The following EDARADD variants were observed in gnomAD, a reference collection of about 807,000 sequenced individuals.
EDARADD encodes EDAR associated via death domain, also known as ectodysplasin-A receptor-associated adapter protein.
EDARADD carries 20 observed loss-of-function variants against 25.6 expected under a neutral mutation model. That is an observed-to-expected ratio of 0.78 (90% CI 0.55 to 1.14). The LOEUF (loss-of-function observed/expected upper bound fraction) is 1.14, where lower values mean the gene tolerates loss of function less well. Among genes scored for constraint, EDARADD ranks in the 50% most tolerant of loss-of-function variants. EDARADD has a pLI of 0.00. For synonymous variants in EDARADD, 86 were observed against 94.4 expected, an observed-to-expected ratio of 0.91 and a Z score of 0.52; for missense variants, 225 against 270.1, an observed-to-expected ratio of 0.83 and a Z score of 1.17.
intron 4 of EDARADD, among the ~76,000 whole-genome samples, 192 bp from the exon 5 acceptor site, chr1:236,468,039 C>T (rs1027457554): frequency 6.6e-5 from 10 of 152,164 alleles, no homozygotes; most frequent in South Asian, 2.1e-4. Context: ...AAAGCCCCTG[C>T]GCTCAAGGTG....
chr1:236,409,960 G>A (rs645507), intron 2 of EDARADD, among the ~76,000 whole-genome samples: 101,697 of 151,848 alleles, frequency 0.67, 34,424 homozygotes, highest in Non-Finnish European at 0.7. Flanking sequence ...ACAGCGTTTA[G>A]TTCTAGCAGC....
rs1659736973 is a variant in EDARADD at position 236,483,394 on chromosome 1, T to C, written c.*745T>C. 3.8e-6 allele frequency: 5 copies of C among 1,323,424 alleles called. No individual in the cohort carries two copies. In the South Asian group the frequency reaches 5.9e-5, roughly 16 times the overall value. The allele number at this position is 1,323,424 out of a possible 1,614,324, so 82.0% of individuals were successfully genotyped here. ...ATCAATAAAACTATTGCACCTGTCC[T>C]GGTTAGCAAGAAACTGAACGTCACA... On this transcript the variant is annotated 3_prime_UTR_variant, in exon 6 of 6. Transcript: ENST00000334232.
At chr1:236,403,642 T>C (rs1225030988) in intron 1 of EDARADD, among the ~76,000 whole-genome samples, 2 of 152,160 alleles carry the variant, frequency 1.3e-5, no homozygotes, top group Non-Finnish European at 2.9e-5. Context: ...CTTTGACCCA[T>C]GTGGATACTA....
At chr1:236,366,070 A>C (rs1313308876) in intron 3 of EDARADD, among the ~76,000 whole-genome samples, 2 of 152,216 alleles carry the variant, frequency 1.3e-5, no homozygotes, top group African/African-American at 4.8e-5. Context: ...ATATAACGCT[A>C]ACATCGGTGT....
intron 4 of EDARADD, among the ~76,000 whole-genome samples, chr1:236,464,072 G>A (rs972699766): frequency 4.6e-5 from 7 of 152,094 alleles, no homozygotes; most frequent in Non-Finnish European, 1.0e-4. Context: ...TGGGGAGGGT[G>A]GCATTTCAGG....
intron 4 of EDARADD, among the ~76,000 whole-genome samples, chr1:236,453,743 T>C (rs779936360): frequency 6.6e-6 from 1 of 152,198 alleles, no homozygotes; most frequent in Non-Finnish European, 1.5e-5. Flanking sequence ...GGCTACACCA[T>C]CCAGGTTTGT....
At chr1:236,391,393 G>A (rs753759294), upstream of EDARADD, among the ~76,000 whole-genome samples, 2 of 152,180 alleles carry the variant, frequency 1.3e-5, no homozygotes, top group African/African-American at 4.8e-5. Flanking sequence ...TTCCAAAAAT[G>A]CAGAGACATG....
rs1166772464 is a variant in EDARADD at position 236,398,795 on chromosome 1, C to T, written c.61+4290C>T. 6.6e-6 allele frequency among the ~76,000 whole-genome samples: 1 copy of T among 152,200 alleles called. No individual in the cohort carries two copies. The highest frequency in any genetic ancestry group is 1.5e-5 in the Non-Finnish European group (1 of 68,038). ...TTATACATGCTCAGCAAACCCTGTA[C>T]CTTTCCTTTCTGGCACCTGTCACAA... On this transcript the variant is annotated intron_variant, in intron 1 of 5. Transcript: ENST00000334232. The surrounding 1 kb of genome is among the most constrained non-coding windows in gnomAD (Gnocchi z 4.1).
chr1:236,378,965 A>T (rs994143707), intron 3 of EDARADD, among the ~76,000 whole-genome samples: 15 of 152,156 alleles, frequency 9.9e-5, no homozygotes, highest in African/African-American at 3.4e-4. Flanking sequence ...TGGAGAGGGG[A>T]TGAGGAGAGA....
intron 3 of EDARADD, among the ~76,000 whole-genome samples, chr1:236,351,002 G>GGTA (rs1666909358): frequency 6.6e-6 from 1 of 152,094 alleles, no homozygotes; most frequent in African/African-American, 2.4e-5. Flanking sequence ...AAAACCTCAA[G>GGTA]GTAGTAGGTC....
At chr1:236,383,271 T>C (rs1667321285) in intron 3 of EDARADD, among the ~76,000 whole-genome samples, 1 of 151,834 alleles carries the variant, frequency 6.6e-6, no homozygotes, top group African/African-American at 2.4e-5. Context: ...GGTGCATGCC[T>C]GTAGTCCCAG....
chr1:236,469,930 G>A lies in EDARADD; in HGVS notation c.265+1654G>A, dbSNP rs527528277. 4.0e-5 allele frequency among the ~76,000 whole-genome samples: 6 copies of A among 151,816 alleles called. No homozygotes were observed. The East Asian group carries it at 7.8e-4, about 20-fold the overall frequency. ...TCACCATGTTGGCCAGGCTGGTCTC[G>A]AACTCCTGACCTCAGGTGATCCACC... On this transcript the variant is annotated intron_variant, in intron 5 of 5. Transcript: ENST00000334232.
intron 5 of EDARADD, among the ~76,000 whole-genome samples, chr1:236,478,311 T>C (rs1659564500): frequency 6.6e-6 from 1 of 151,352 alleles, no homozygotes; most frequent in Admixed American, 6.6e-5. Flanking sequence ...ATCAGGAGAG[T>C]TGGGGAAAAC....
chr1:236,428,652 G>T (rs1246025925), intron 4 of EDARADD, among the ~76,000 whole-genome samples: 1 of 136,852 alleles, frequency 7.3e-6, no homozygotes, highest in East Asian at 2.1e-4. Context: ...CTTCCTAGAC[G>T]GGATGGCGGC....
At chr1:236,375,085 CT>C (rs1667211488) in intron 3 of EDARADD, among the ~76,000 whole-genome samples, 1 of 151,678 alleles carries the variant, frequency 6.6e-6, no homozygotes, top group South Asian at 2.1e-4. Context: ...TTAAAACTTA[CT>C]TTTTCTTTAG....
At chr1:236,446,205 G>T (rs1322683504) in intron 4 of EDARADD, among the ~76,000 whole-genome samples, 1 of 152,116 alleles carries the variant, frequency 6.6e-6, no homozygotes, top group Non-Finnish European at 1.5e-5. Flanking sequence ...CTGTTACCCA[G>T]ACCTCCTGTA....
intron 4 of EDARADD, among the ~76,000 whole-genome samples, chr1:236,445,984 G>A (rs552663926): frequency 2.6e-5 from 4 of 152,288 alleles, no homozygotes; most frequent in African/African-American, 9.6e-5. Context: ...TCTAAGTATC[G>A]GAGTGTCAAT....
chr1:236,475,087 C>T (rs558607811), intron 5 of EDARADD, among the ~76,000 whole-genome samples: 9 of 152,122 alleles, frequency 5.9e-5, no homozygotes, highest in East Asian at 1.9e-4. Context: ...GAGCCGAGAT[C>T]GCCCCATTGC....
intron 3 of EDARADD, among the ~76,000 whole-genome samples, chr1:236,382,476 T>G (rs910284381): frequency 6.6e-6 from 1 of 152,246 alleles, no homozygotes; most frequent in Non-Finnish European, 1.5e-5. Flanking sequence ...CCAGTTTTTC[T>G]CCTTATTGTA....
Sources: allele counts gnomAD v4.1 joint callset (sites outside exome capture counted in the v4.1 genomes callset), GRCh38; gene constraint gnomAD v4.1.1; non-coding constraint Gnocchi (gnomAD v3.1); transcripts MANE v1.5; gene names NCBI Gene and HGNC (gene_info 2026-07-23, HGNC 2026-07-21).